SNRNP70: variants seen among roughly 807,000 people sequenced by gnomAD.
SNRNP70 encodes the protein small nuclear ribonucleoprotein U1 subunit 70.
SNRNP70 carries 8 observed loss-of-function variants against 50.5 expected under a neutral mutation model. The ratio of observed to expected loss-of-function variants is 0.16; its 90% confidence interval spans 0.09 to 0.29. The LOEUF (loss-of-function observed/expected upper bound fraction) is 0.29, where lower values mean the gene tolerates loss of function less well. SNRNP70 is among the 10% of genes least tolerant of loss of function. SNRNP70 has a pLI of 1.00. For synonymous variants in SNRNP70, 320 were observed against 252.9 expected (o/e 1.27, Z -2.52); for missense variants, 529 against 663.5 (o/e 0.80, Z 2.23).
intron 2 of SNRNP70, 96 bp from the exon 3 acceptor site, chr19:49,090,194 TG>T: frequency 1.1e-6 from 1 of 915,782 alleles, no homozygotes; most frequent in Non-Finnish European, 1.7e-6. Context: ...TTGTAGGGGG[TG>T]GGGGTGGGAG....
intron 7 of SNRNP70, chr19:49,102,520 ACTGGAGCCCTTCAGC>A: frequency 4.5e-6 from 1 of 220,510 alleles, no homozygotes; most frequent in Non-Finnish European, 9.5e-6. Flanking sequence ...CCAGGGCTCC[ACTGGAGCCCTTCAGC>A]CTTCCCTCCC....
At chr19:49,092,599 G>C (rs1343089942) in intron 4 of SNRNP70, among the ~76,000 whole-genome samples, 1 of 151,400 alleles carries the variant, frequency 6.6e-6, no homozygotes, top group African/African-American at 2.4e-5. Flanking sequence ...AGTAGAGATG[G>C]GGTTTCACCA....
chr19:49,091,242 G>A (rs924091624), intron 4 of SNRNP70, among the ~76,000 whole-genome samples: 2 of 150,910 alleles, frequency 1.3e-5, no homozygotes, highest in South Asian at 2.2e-4. Flanking sequence ...GGTGGCGAGC[G>A]TCTGTAATCC....
chr19:49,094,579 G>A (rs1033101233), intron 4 of SNRNP70, among the ~76,000 whole-genome samples: 4 of 152,130 alleles, frequency 2.6e-5, no homozygotes, highest in African/African-American at 9.7e-5. Context: ...GCTCATGGGA[G>A]TTCGTTATAC....
rs189756311 is a variant in SNRNP70, at chr19:49,090,740, G to A, written c.265+220G>A. The A allele has an allele frequency of 1.6e-4, 95 of 579,886 alleles. 1 individual carries two copies. The highest frequency in any genetic ancestry group is 3.0e-4 in the Admixed American group (10 of 33,720). The allele number at this position is 579,886 out of a possible 1,614,324, so 35.9% of individuals were successfully genotyped here. The stretch of plus-strand genomic sequence containing the variant: ...AAAGTTGGCAGGAAGGGAGACCCCT[G>A]GTACCTTGGGCTCCTCCTGCATGGG... On this transcript the variant is annotated intron_variant, in intron 4 of 9. Transcript: ENST00000598441.
intron 2 of SNRNP70, among the ~76,000 whole-genome samples, chr19:49,089,906 G>A (rs902615427): frequency 2.0e-5 from 3 of 151,724 alleles, no homozygotes; most frequent in East Asian, 1.9e-4. Flanking sequence ...CTCATGATCC[G>A]CCTGCCTCGG....
At chr19:49,099,702 G>A (rs1014396932) in intron 6 of SNRNP70, among the ~76,000 whole-genome samples, 6 of 148,916 alleles carry the variant, frequency 4.0e-5, no homozygotes, top group Non-Finnish European at 7.4e-5. Flanking sequence ...TCACACCACT[G>A]TACTCCAGCC....
chr19:49,099,583 A>G (rs2040555403), intron 6 of SNRNP70, among the ~76,000 whole-genome samples: 3 of 150,430 alleles, frequency 2.0e-5, no homozygotes, highest in Admixed American at 1.3e-4. Context: ...AAAAAAAAAT[A>G]CAAAAATTAG....
chr19:49,095,392 C>T lies in SNRNP70; in HGVS notation c.266-3035C>T, dbSNP rs557439732. Among the ~76,000 whole-genome samples the T allele has an allele frequency of 2.0e-5, 3 of 152,370 alleles. No individual in the cohort carries two copies. In the South Asian group the frequency reaches 6.2e-4, roughly 32 times the overall value. On this transcript the variant is annotated intron_variant, in intron 4 of 9. Coordinates refer to ENST00000598441, the MANE Select transcript of SNRNP70 (RefSeq NM_003089.6). ...GCTGCTGTGACAGCTTTCAGCTCTT[C>T]ATTAAATGTTAGCATCTTGTGAGGC...
rs981496607 is a variant in SNRNP70 at position 49,104,608 on chromosome 19, C to T, written c.476-26C>T. 7.9e-6 allele frequency: 12 copies of T among 1,528,572 alleles called. No individual in the cohort carries two copies. The highest frequency in any genetic ancestry group is 1.1e-5 in the Non-Finnish European group (12 of 1,126,544). The allele number at this position is 1,528,572 out of a possible 1,614,324, so 94.7% of individuals were successfully genotyped here. On this transcript the variant is annotated intron_variant, in intron 7 of 9. Transcript: ENST00000598441. The surrounding 1 kb of genome is among the most constrained non-coding windows in gnomAD (Gnocchi z 5.4). Reference sequence around the variant, plus strand: ...GAGGACCCTCTGGGGACTCCTCTCCCCTCCCCCTCCCCACATCTGTTACAG... The same window carrying T: ...GAGGACCCTCTGGGGACTCCTCTCCTCTCCCCCTCCCCACATCTGTTACAG...
At chr19:49,098,074 G>A (rs1365184566) in intron 4 of SNRNP70, among the ~76,000 whole-genome samples, 1 of 152,220 alleles carries the variant, frequency 6.6e-6, no homozygotes, top group Admixed American at 6.5e-5. Flanking sequence ...GCCCAGTTGG[G>A]CTATTACTGT....
chr19:49,096,265 C>T (rs952846749), intron 4 of SNRNP70, among the ~76,000 whole-genome samples: 6 of 151,618 alleles, frequency 4.0e-5, no homozygotes, highest in African/African-American at 1.5e-4. Context: ...CCATGTTTGC[C>T]AGGCTGGTCT....
chr19:49,100,602 C>G (rs1049702856), intron 6 of SNRNP70, among the ~76,000 whole-genome samples: 1 of 152,074 alleles, frequency 6.6e-6, no homozygotes, highest in African/African-American at 2.4e-5. Context: ...GTCAGGATTT[C>G]AAGACCAGCC....
intron 8 of SNRNP70, among the ~76,000 whole-genome samples, chr19:49,106,784 C>G (rs1318572751): frequency 2.0e-5 from 3 of 152,196 alleles, no homozygotes; most frequent in Non-Finnish European, 4.4e-5. Flanking sequence ...TGCCTTGGGG[C>G]TGTTCATCTA....
chr19:49,093,050 G>C (rs185413908), intron 4 of SNRNP70, among the ~76,000 whole-genome samples: 18 of 151,934 alleles, frequency 1.2e-4, no homozygotes, highest in Non-Finnish European at 2.1e-4. Context: ...AGAGTGTTGG[G>C]ATTTCAGGTG....
intron 4 of SNRNP70, among the ~76,000 whole-genome samples, chr19:49,097,638 G>A (rs552898172): frequency 3.3e-4 from 50 of 152,312 alleles, no homozygotes; most frequent in African/African-American, 1.2e-3. Flanking sequence ...TTAAGGCCCC[G>A]GCAGGAGTCA....
At chr19:49,101,097 C>G (rs539428085) in intron 6 of SNRNP70, among the ~76,000 whole-genome samples, 1 of 152,228 alleles carries the variant, frequency 6.6e-6, no homozygotes, top group Non-Finnish European at 1.5e-5. Context: ...CTCCTGCCCC[C>G]GGGCCCTTGG....
chr19:49,098,480 G>A lies in SNRNP70; in HGVS notation c.319G>A (p.Val107Met), dbSNP rs1465556467. The part of the protein sequence containing the change: ...AQGDAFKTLF[V>M]ARVNYDTTES... ...GGGGGATGCCTTCAAGACTCTCTTC[G>A]TGGCGAGAGTGGTAAGTCCCCAGCT... Residue 107 changes from valine to methionine, a missense_variant, in exon 5 of 10, where the codon GTG (valine) becomes ATG (methionine). Around this residue, in one of 4 missense-constraint regions of SNRNP70, gnomAD observed 149 missense variants for 259.7 expected, o/e 0.57. Coordinates refer to ENST00000598441, the MANE Select transcript of SNRNP70 (RefSeq NM_003089.6). 6.2e-7 allele frequency: 1 copy of A among 1,613,420 alleles called. No individual in the cohort carries two copies. Among genetic ancestry groups the A allele is most frequent in the Non-Finnish European group, 8.5e-7 (1 of 1,179,600 alleles).
rs533330826 is a variant in SNRNP70 at position 49,107,473 on chromosome 19, T to C, written c.578-152T>C. On this transcript the variant is annotated intron_variant, in intron 8 of 9. Coordinates refer to ENST00000598441, the MANE Select transcript of SNRNP70 (RefSeq NM_003089.6). The surrounding 1 kb of genome is among the most constrained non-coding windows in gnomAD (Gnocchi z 6.0). ...AGACGTGGCTGTCTTGTGATGGGAG[T>C]GCGCGGGATGAACTGCACGGGGGGA... 12 of 655,726 alleles carry C rather than the reference T, an allele frequency of 1.8e-5. No homozygotes were observed. The East Asian group carries it at 3.0e-4, about 16-fold the overall frequency. 40.6% of individuals were successfully genotyped at this position (655,726 alleles called of 1,614,324 possible). A position where few individuals can be genotyped will look rare whatever the true frequency, so the allele number is the denominator to read the frequency against.
Sources: allele counts gnomAD v4.1 joint callset (sites outside exome capture counted in the v4.1 genomes callset), GRCh38; gene constraint gnomAD v4.1.1; regional missense constraint gnomAD v4.1.1; non-coding constraint Gnocchi (gnomAD v3.1); transcripts MANE v1.5; gene names NCBI Gene and HGNC (gene_info 2026-07-23, HGNC 2026-07-21).